Variants in CSMD1 observed in about 807,000 individuals in gnomAD.
CSMD1 encodes the protein CUB and sushi domain-containing protein 1.
A neutral mutation model predicts 417.5 loss-of-function variants in CSMD1; 213 were observed. That is an observed-to-expected ratio of 0.51 (90% CI 0.46 to 0.57). The LOEUF (loss-of-function observed/expected upper bound fraction) is 0.57, where lower values mean the gene tolerates loss of function less well. Ranked by LOEUF, CSMD1 falls within the 20% of genes least tolerant of loss-of-function variation. CSMD1 has a pLI of 0.00. For missense variants in CSMD1, 6,923 were observed against 4,529.7 expected (o/e 1.53, Z -15.17); for synonymous variants, 2,862 against 1,736.8 (o/e 1.65, Z -16.11).
intron 3 of CSMD1, among the ~76,000 whole-genome samples, chr8:4,172,761 T>A (rs1218561681): frequency 6.6e-6 from 1 of 152,120 alleles, no homozygotes; most frequent in Non-Finnish European, 1.5e-5. Context: ...TTCCACCTCT[T>A]TCTTGGATCC....
intron 10 of CSMD1, among the ~76,000 whole-genome samples, chr8:3,542,880 G>C (rs772532056): frequency 2.4e-4 from 36 of 152,300 alleles, no homozygotes; most frequent in Admixed American, 7.2e-4. Flanking sequence ...CTCAGCTACG[G>C]TGCAAGTGGG....
In CSMD1 at chr8:2,955,604, A is replaced by G. The variant is rs1563177858; in HGVS notation, c.9979T>C (p.Ser3327Pro). ...AATGACTTACTTTTACACACAGGCG[A>G]CTTTCCTGTCCATTTCATGTCTGCT... Reference protein sequence around the residue: ...CKADMKWTGKSPVCKSKGVRE... With the variant: ...CKADMKWTGKPPVCKSKGVRE... Residue 3327 changes from serine to proline, a missense_variant, in exon 64 of 70, where the codon TCG becomes CCG. Coordinates refer to ENST00000635120, the MANE Select transcript of CSMD1 (RefSeq NM_033225.6). 1.2e-6 allele frequency: 2 copies of G among 1,613,642 alleles called. No homozygotes were observed. Among genetic ancestry groups the G allele is most frequent in the Non-Finnish European group, 1.7e-6 (2 of 1,179,694 alleles).
chr8:4,217,567 A>T (rs753698990), intron 3 of CSMD1, among the ~76,000 whole-genome samples: 1 of 152,162 alleles, frequency 6.6e-6, no homozygotes, highest in Non-Finnish European at 1.5e-5. Context: ...TTTACGCAGC[A>T]AAGGTGTGAG....
chr8:4,308,285 G>C (rs1042002232), intron 3 of CSMD1, among the ~76,000 whole-genome samples: 4 of 151,970 alleles, frequency 2.6e-5, no homozygotes, highest in Non-Finnish European at 4.4e-5. Flanking sequence ...ATAGTTGATG[G>C]TGTGTGTGAA....
chr8:4,133,894 T>G (rs898010147), intron 3 of CSMD1, among the ~76,000 whole-genome samples: 4 of 152,206 alleles, frequency 2.6e-5, no homozygotes, highest in African/African-American at 9.6e-5. Context: ...TAAGAAATCT[T>G]GTAAACATAG....
At chr8:3,686,652 G>C (rs1281565023) in intron 7 of CSMD1, among the ~76,000 whole-genome samples, 4 of 152,154 alleles carry the variant, frequency 2.6e-5, no homozygotes, top group African/African-American at 7.2e-5. Flanking sequence ...AACAAACCTT[G>C]CTACACTAAC....
At chr8:3,878,629 G>C (rs796077765) in intron 5 of CSMD1, among the ~76,000 whole-genome samples, 4 of 152,258 alleles carry the variant, frequency 2.6e-5, no homozygotes, top group African/African-American at 9.6e-5. Context: ...TCTGTTTATT[G>C]ACAGAAAAAT....
intron 5 of CSMD1, among the ~76,000 whole-genome samples, chr8:3,915,930 C>A (rs1346113824): frequency 6.6e-6 from 1 of 151,068 alleles, no homozygotes; most frequent in African/African-American, 2.4e-5. Context: ...GGCAGACCTA[C>A]ATAAACTGGC....
At chr8:3,945,636 T>TTAAC (rs1811175492) in intron 5 of CSMD1, among the ~76,000 whole-genome samples, 1 of 152,120 alleles carries the variant, frequency 6.6e-6, no homozygotes, top group African/African-American at 2.4e-5. Context: ...ACTCACAGTA[T>TTAAC]TAACTAAGCC....
intron 17 of CSMD1, among the ~76,000 whole-genome samples, chr8:3,389,286 A>G (rs562083117): frequency 3.9e-5 from 6 of 152,084 alleles, no homozygotes; most frequent in Non-Finnish European, 7.4e-5. Context: ...ACCCTCTGAT[A>G]GGCCCCAGTG....
intron 5 of CSMD1, among the ~76,000 whole-genome samples, chr8:3,770,141 C>T (rs1219008256): frequency 6.6e-6 from 1 of 152,230 alleles, no homozygotes; most frequent in African/African-American, 2.4e-5. Flanking sequence ...AGACTAAAGG[C>T]TACCTGCAGC....
intron 8 of CSMD1, among the ~76,000 whole-genome samples, chr8:3,603,642 A>AT (rs1376020561): frequency 1.3e-5 from 2 of 152,122 alleles, no homozygotes; most frequent in Admixed American, 6.5e-5. Flanking sequence ...CACAAAGGGG[A>AT]TTTTTTTCCA....
At chr8:4,673,596 G>T (rs548513241) in intron 1 of CSMD1, among the ~76,000 whole-genome samples, 6 of 152,242 alleles carry the variant, frequency 3.9e-5, no homozygotes, top group African/African-American at 1.4e-4. Context: ...AAACTCTGGG[G>T]GCAATTCACA....
intron 1 of CSMD1, among the ~76,000 whole-genome samples, chr8:4,923,693 G>C (rs765019321): frequency 2.0e-5 from 3 of 152,102 alleles, no homozygotes; most frequent in Admixed American, 6.6e-5. Context: ...AGCACTCAGT[G>C]GGACTATCAG....
chr8:4,608,791 T>G (rs1245156413), intron 2 of CSMD1, among the ~76,000 whole-genome samples: 1 of 152,184 alleles, frequency 6.6e-6, no homozygotes, highest in African/African-American at 2.4e-5. Context: ...CCTAGCTGAA[T>G]GTGTGATACA....
intron 7 of CSMD1, among the ~76,000 whole-genome samples, chr8:3,680,168 C>G (rs148367079): frequency 0.027 from 4,129 of 151,946 alleles, 201 homozygotes; most frequent in African/African-American, 0.094. Flanking sequence ...TAGCAGAAGG[C>G]AAGAAACAAC....
At chr8:3,444,689 G>C (rs1418484961) in intron 12 of CSMD1, among the ~76,000 whole-genome samples, 1 of 152,124 alleles carries the variant, frequency 6.6e-6, no homozygotes, top group Non-Finnish European at 1.5e-5. Context: ...CTGAGGCTGA[G>C]GAGGCTATGA....
At chr8:3,779,084 T>C (rs1477347933) in intron 5 of CSMD1, among the ~76,000 whole-genome samples, 1 of 152,074 alleles carries the variant, frequency 6.6e-6, no homozygotes, top group Admixed American at 6.6e-5. Flanking sequence ...AAATGGAATG[T>C]AGGTTAAAAG....
intron 2 of CSMD1, among the ~76,000 whole-genome samples, chr8:4,452,557 T>C (rs1216585675): frequency 6.6e-6 from 1 of 152,204 alleles, no homozygotes; most frequent in Non-Finnish European, 1.5e-5. Flanking sequence ...CTTTTTCCAA[T>C]CATTTTTATC....
Sources: allele counts gnomAD v4.1 joint callset (sites outside exome capture counted in the v4.1 genomes callset), GRCh38; gene constraint gnomAD v4.1.1; transcripts MANE v1.5; gene names NCBI Gene and HGNC (gene_info 2026-07-23, HGNC 2026-07-21).